Variants in RBFOX1 observed in about 807,000 individuals in gnomAD.
The protein encoded by RBFOX1 is RNA binding protein fox-1 homolog 1.
In RBFOX1, 8 loss-of-function variants were observed where a neutral mutation model predicts 57.7. The ratio of observed to expected loss-of-function variants is 0.14; its 90% confidence interval spans 0.08 to 0.25. The LOEUF is 0.25. Among genes scored for constraint, RBFOX1 ranks in the 10% least tolerant of loss-of-function variants. The pLI is 1.00. For missense variants in RBFOX1, 611 were observed against 548.5 expected, an observed-to-expected ratio of 1.11 and a Z score of -1.14; for synonymous variants, 326 against 222.4, an observed-to-expected ratio of 1.47 and a Z score of -4.15.
At chr16:7,657,403 C>G (rs2066581717) in intron 12 of RBFOX1, among the ~76,000 whole-genome samples, 3 of 152,204 alleles carry the variant, frequency 2.0e-5, no homozygotes, top group Admixed American at 2.0e-4. Flanking sequence ...CTCCTGGGTT[C>G]AAGTGATTCT....
At chr16:6,941,300 C>CCTTCCTTCCTTCCTTCCT (rs1567990534) in intron 3 of RBFOX1, among the ~76,000 whole-genome samples, 6 of 79,154 alleles carry the variant, frequency 7.6e-5, no homozygotes, top group African/African-American at 2.3e-4. Flanking sequence ...CCCTCCCTCC[C>CCTTCCTTCCTTCCTTCCT]TCCTTCCTTC....
rs1485668873 is a variant in RBFOX1, at chr16:6,739,689, C to A, written c.-16+85039C>A. On this transcript the variant is annotated intron_variant, in intron 3 of 15. Coordinates refer to ENST00000550418, the MANE Select transcript of RBFOX1 (RefSeq NM_018723.4). ...GTCACGAGTTCGAGACCAGCTTGGC[C>A]AACATGGTGAAACCCCATCTCTACT... Among the ~76,000 whole-genome samples the A allele has an allele frequency of 7.2e-5, 11 of 152,120 alleles. No individual in the cohort carries two copies. The East Asian group carries it at 1.9e-3, about 27-fold the overall frequency.
At chr16:7,126,061 C>T (rs1029599584) in intron 4 of RBFOX1, among the ~76,000 whole-genome samples, 4 of 152,008 alleles carry the variant, frequency 2.6e-5, no homozygotes, top group African/African-American at 4.8e-5. Flanking sequence ...GCAGCATGGG[C>T]GACAGAGCCG....
intron 1 of RBFOX1, among the ~76,000 whole-genome samples, chr16:5,420,754 T>C (rs2067293710): frequency 6.6e-6 from 1 of 152,032 alleles, no homozygotes; most frequent in South Asian, 2.1e-4. Flanking sequence ...CAGGCTGGTC[T>C]CAAACTCTTG....
At chr16:6,558,104 G>A (rs2097129998) in intron 2 of RBFOX1, among the ~76,000 whole-genome samples, 1 of 152,088 alleles carries the variant, frequency 6.6e-6, no homozygotes. Context: ...AAGTTATTAT[G>A]TACTCCAAAT....
chr16:7,441,300 T>G (rs2149886548), intron 4 of RBFOX1, among the ~76,000 whole-genome samples: 1 of 152,298 alleles, frequency 6.6e-6, no homozygotes, highest in East Asian at 1.9e-4. Context: ...GGTGGAGCTG[T>G]TAGCATATTA....
chr16:7,527,968 A>G (rs569566944), intron 5 of RBFOX1, among the ~76,000 whole-genome samples: 1 of 152,348 alleles, frequency 6.6e-6, no homozygotes, highest in Admixed American at 6.5e-5. Flanking sequence ...TTTGTATTTA[A>G]TGATTTATAG....
chr16:6,852,779 G>A (rs1166905649), intron 3 of RBFOX1, among the ~76,000 whole-genome samples: 1 of 152,026 alleles, frequency 6.6e-6, no homozygotes, highest in Non-Finnish European at 1.5e-5. Context: ...GTCTGGGAGA[G>A]GTACATGCTG....
At chr16:7,267,765 A>G (rs1161118112) in intron 4 of RBFOX1, among the ~76,000 whole-genome samples, 1 of 152,018 alleles carries the variant, frequency 6.6e-6, no homozygotes, top group Non-Finnish European at 1.5e-5. Flanking sequence ...CTGAGGTGGG[A>G]GAATTTCTGG....
At chr16:6,778,000 A>G (rs1401576399) in intron 3 of RBFOX1, among the ~76,000 whole-genome samples, 1 of 152,140 alleles carries the variant, frequency 6.6e-6, no homozygotes, top group East Asian at 1.9e-4. Flanking sequence ...ACTCATATAA[A>G]TATACATTTA....
At chr16:7,038,778 G>T (rs1171156836) in intron 3 of RBFOX1, among the ~76,000 whole-genome samples, 2 of 152,142 alleles carry the variant, frequency 1.3e-5, no homozygotes, top group African/African-American at 4.8e-5. Flanking sequence ...TGATTAATCT[G>T]TCTGGACCTG....
chr16:7,434,906 A>AT (rs1351619423), intron 4 of RBFOX1, among the ~76,000 whole-genome samples: 1 of 151,926 alleles, frequency 6.6e-6, no homozygotes, highest in African/African-American at 2.4e-5. Context: ...CACTGGGCTA[A>AT]TTTTTGTATT....
intron 3 of RBFOX1, among the ~76,000 whole-genome samples, chr16:5,656,599 T>A (rs1253056515): frequency 6.6e-6 from 1 of 152,226 alleles, no homozygotes; most frequent in Non-Finnish European, 1.5e-5. Context: ...TGCTTATTTA[T>A]AATTGTTAAT....
intron 2 of RBFOX1, among the ~76,000 whole-genome samples, chr16:6,506,909 A>T (rs1169194217): frequency 6.6e-6 from 1 of 152,058 alleles, no homozygotes; most frequent in African/African-American, 2.4e-5. Context: ...TGGCCTCCCA[A>T]AGTGCTGGGG....
At chr16:6,646,695 C>G (rs1190413035) in intron 2 of RBFOX1, among the ~76,000 whole-genome samples, 2 of 152,036 alleles carry the variant, frequency 1.3e-5, no homozygotes, top group African/African-American at 4.8e-5. Flanking sequence ...TTCCTCACCT[C>G]GTTTCTCAGT....
At chr16:7,708,256 AG>A (rs200512215) in intron 14 of RBFOX1, among the ~76,000 whole-genome samples, 9,154 of 151,476 alleles carry the variant, frequency 0.06, 333 homozygotes, top group African/African-American at 0.1. Flanking sequence ...TAAAAAAAAA[AG>A]TTAACTTCCA....
chr16:6,177,036 A>G (rs2097016697), intron 1 of RBFOX1, among the ~76,000 whole-genome samples: 1 of 152,210 alleles, frequency 6.6e-6, no homozygotes, highest in African/African-American at 2.4e-5. Context: ...GCATCCATTC[A>G]TTTATTTCAG....
At chr16:7,012,285 C>G (rs2093689102) in intron 3 of RBFOX1, among the ~76,000 whole-genome samples, 2 of 152,188 alleles carry the variant, frequency 1.3e-5, no homozygotes, top group Non-Finnish European at 2.9e-5. Flanking sequence ...GGATCTGAGG[C>G]TGACAGACCA....
chr16:6,927,414 C>CAAAAAAAAAAAAAAA lies in RBFOX1; in HGVS notation c.-15-124632_-15-124618dup, dbSNP rs1194663760. On this transcript the variant is annotated intron_variant, in intron 3 of 15. Coordinates refer to ENST00000550418, the MANE Select transcript of RBFOX1 (RefSeq NM_018723.4). ...GGCAACAGAGTGAGACGCTTTCTCA[C>CAAAAAAAAAAAAAAA]AAAAAAAAAAAAAAAAAAAAAAAAA... Among the ~76,000 whole-genome samples, 3 of 53,152 alleles carry CAAAAAAAAAAAAAAA rather than the reference C, an allele frequency of 5.6e-5. 1 individual carries two copies. Among genetic ancestry groups the CAAAAAAAAAAAAAAA allele is most frequent in the African/African-American group, 3.2e-4 (3 of 9,276 alleles). The allele number at this position is 53,152 out of a possible 152,430, so 34.9% of individuals were successfully genotyped here. A position where few individuals can be genotyped will look rare whatever the true frequency, so the allele number is the denominator to read the frequency against.
Sources: allele counts gnomAD v4.1 joint callset (sites outside exome capture counted in the v4.1 genomes callset), GRCh38; gene constraint gnomAD v4.1.1; transcripts MANE v1.5; gene names NCBI Gene and HGNC (gene_info 2026-07-23, HGNC 2026-07-21).